Variants in HECW2 observed in about 807,000 individuals in gnomAD.
HECW2 encodes the protein E3 ubiquitin-protein ligase HECW2.
A neutral mutation model predicts 175.2 loss-of-function variants in HECW2; 61 were observed. That is an observed-to-expected ratio of 0.35 (90% CI 0.28 to 0.43). HECW2 has a LOEUF of 0.43. Ranked by LOEUF, HECW2 falls within the 20% of genes least tolerant of loss-of-function variation. The probability of loss-of-function intolerance (pLI) is 1.00; values close to 1 mark genes in which losing one functional copy is unlikely to be tolerated. For synonymous variants in HECW2, 671 were observed against 731.0 expected (o/e 0.92, Z 1.32); for missense variants, 1,524 against 2,000.5 (o/e 0.76, Z 4.54).
chr2:196,395,918 A>G (rs937768432), intron 2 of HECW2, among the ~76,000 whole-genome samples: 1 of 152,232 alleles, frequency 6.6e-6, no homozygotes, highest in African/African-American at 2.4e-5. Context: ...TCAAACAGGT[A>G]TCTGTATGCC....
At chr2:196,310,849 C>T (rs934991540) in intron 10 of HECW2, among the ~76,000 whole-genome samples, 2 of 151,352 alleles carry the variant, frequency 1.3e-5, no homozygotes, top group African/African-American at 4.9e-5. Flanking sequence ...CACACTTTCA[C>T]TACAAGACCT....
rs568934017 is a variant in HECW2 at position 196,205,180 on chromosome 2, G to A, written c.4608-3792C>T. 1.2e-4 allele frequency among the ~76,000 whole-genome samples: 18 copies of A among 152,236 alleles called. 1 individual carries two copies. Among genetic ancestry groups the A allele is most frequent in the Admixed American group, 9.8e-4 (15 of 15,284 alleles). The stretch of plus-strand genomic sequence containing the variant: ...ACAGCTCCTCTGGAAAATATTTCGC[G>A]ATGATGGGGAAAGCATATATTGTGG... On this transcript the variant is annotated intron_variant, in intron 28 of 28. Coordinates refer to ENST00000644978, the MANE Select transcript of HECW2 (RefSeq NM_001348768.2).
At chr2:196,340,026 G>A (rs1692689433) in intron 3 of HECW2, among the ~76,000 whole-genome samples, 1 of 152,110 alleles carries the variant, frequency 6.6e-6, no homozygotes. Context: ...CTCAAATCCA[G>A]GTTTTCCCTG....
At chr2:196,386,830 A>T (rs142902865) in intron 2 of HECW2, among the ~76,000 whole-genome samples, 75 of 152,306 alleles carry the variant, frequency 4.9e-4, no homozygotes, top group African/African-American at 1.7e-3. Flanking sequence ...ATTAAATACA[A>T]ACAAAACTAG....
At chr2:196,521,737 G>GT in intron 1 of HECW2, among the ~76,000 whole-genome samples, 1 of 148,718 alleles carries the variant, frequency 6.7e-6, no homozygotes, top group South Asian at 2.2e-4. Context: ...GCAGTGTTTG[G>GT]TTTTTTGTTC....
chr2:196,238,088 G>C (rs1382880744), intron 21 of HECW2, among the ~76,000 whole-genome samples: 1 of 152,194 alleles, frequency 6.6e-6, no homozygotes, highest in African/African-American at 2.4e-5. Context: ...AATTAGCTGG[G>C]CGTGGTGGCA....
intron 9 of HECW2, 55 bp downstream of exon 9, chr2:196,318,497 T>G: frequency 2.9e-6 from 4 of 1,398,418 alleles, no homozygotes; most frequent in Middle Eastern, 1.9e-4. Context: ...ACTACAGAAC[T>G]TCTCTCTGCA....
intron 2 of HECW2, among the ~76,000 whole-genome samples, chr2:196,371,750 T>C (rs1027698822): frequency 3.9e-5 from 6 of 152,244 alleles, no homozygotes; most frequent in African/African-American, 1.2e-4. Context: ...TGGTGAACTC[T>C]ACAGAGAAGA....
chr2:196,195,794 AT>A lies in HECW2; in HGVS notation c.*5482del, dbSNP rs1342058631. 1.3e-5 allele frequency: 2 copies of A among 152,212 alleles called. No homozygotes were observed. Among genetic ancestry groups the A allele is most frequent in the Non-Finnish European group, 2.9e-5 (2 of 68,032 alleles). The allele number at this position is 152,212 out of a possible 1,614,324, so 9.4% of individuals were successfully genotyped here. The stretch of plus-strand genomic sequence containing the variant: ...CTTAAATAAAAAAATCCACAACATA[AT>A]TTTATGCTAAATTGTCAAATCTCCT... On this transcript the variant is annotated 3_prime_UTR_variant, in exon 29 of 29. Transcript: ENST00000644978.
chr2:196,507,119 TAAC>T (rs1160830869), intron 1 of HECW2, among the ~76,000 whole-genome samples: 1 of 149,772 alleles, frequency 6.7e-6, no homozygotes, highest in Non-Finnish European at 1.5e-5. Flanking sequence ...ACACACACAC[TAAC>T]ATGTGTATAT....
rs1165961948 is a variant in HECW2, at chr2:196,551,314, A to G, written c.-36+42194T>C. ...CACAAACACACTTACAGCCAAGGACAGGGGCAGGAGAAAGTTAAGTGAAAA... is the reference window on the plus strand; with the variant it reads ...CACAAACACACTTACAGCCAAGGACGGGGGCAGGAGAAAGTTAAGTGAAAA... On this transcript the variant is annotated intron_variant, in intron 1 of 28. Transcript: ENST00000644978. 2.6e-5 allele frequency among the ~76,000 whole-genome samples: 4 copies of G among 152,270 alleles called. No individual in the cohort carries two copies. In the East Asian group the frequency reaches 7.7e-4, roughly 29 times the overall value.
intron 2 of HECW2, among the ~76,000 whole-genome samples, chr2:196,374,324 A>G (rs1031366893): frequency 3.3e-5 from 5 of 152,248 alleles, no homozygotes; most frequent in Admixed American, 6.5e-5. Flanking sequence ...TAAAATAAAT[A>G]TGTATACAAT....
intron 16 of HECW2, among the ~76,000 whole-genome samples, chr2:196,272,799 G>A (rs62184595): frequency 0.01 from 1,521 of 152,080 alleles, 7 homozygotes; most frequent in Non-Finnish European, 0.015. Context: ...TTTATAGTGC[G>A]TCTGAGCTCA....
intron 2 of HECW2, among the ~76,000 whole-genome samples, chr2:196,399,750 T>C (rs1027294030): frequency 6.6e-6 from 1 of 152,022 alleles, no homozygotes; most frequent in African/African-American, 2.4e-5. Flanking sequence ...GACTGACAGA[T>C]AGAACCGTAG....
chr2:196,232,500 A>G (rs1268652365), intron 21 of HECW2, among the ~76,000 whole-genome samples: 1 of 152,218 alleles, frequency 6.6e-6, no homozygotes, highest in East Asian at 1.9e-4. Context: ...CTTTCTAAAG[A>G]AAAATCAACA....
At chr2:196,248,597 GACAC>G (rs35800907) in intron 19 of HECW2, among the ~76,000 whole-genome samples, 2,181 of 144,014 alleles carry the variant, frequency 0.015, 59 homozygotes, top group African/African-American at 0.051. Flanking sequence ...GAGACAGACA[GACAC>G]ACACACACAC....
intron 12 of HECW2, 109 bp downstream of exon 12, chr2:196,307,021 T>G (rs143847446): frequency 1.4e-6 from 1 of 701,606 alleles, no homozygotes; most frequent in East Asian, 2.6e-5. Flanking sequence ...TACCAGATCT[T>G]ATTGAAGAGC....
chr2:196,209,351 T>C (rs1251236341), intron 28 of HECW2, among the ~76,000 whole-genome samples: 1 of 152,232 alleles, frequency 6.6e-6, no homozygotes, highest in Non-Finnish European at 1.5e-5. Context: ...GTTTTTATGA[T>C]AAATTTACCC....
chr2:196,311,362 G>A (rs900606077), intron 10 of HECW2, among the ~76,000 whole-genome samples: 3 of 152,018 alleles, frequency 2.0e-5, no homozygotes, highest in African/African-American at 7.3e-5. Context: ...CAACCTTCTC[G>A]GCTTATTCCT....
Sources: allele counts gnomAD v4.1 joint callset (sites outside exome capture counted in the v4.1 genomes callset), GRCh38; gene constraint gnomAD v4.1.1; transcripts MANE v1.5; gene names NCBI Gene and HGNC (gene_info 2026-07-23, HGNC 2026-07-21).